SH3RF2: variants seen among roughly 807,000 people sequenced by gnomAD.
SH3RF2 encodes E3 ubiquitin-protein ligase SH3RF2.
Under a neutral mutation model 59.0 loss-of-function variants are expected in SH3RF2, and 43 were observed. That is an observed-to-expected ratio of 0.73 (90% CI 0.57 to 0.94). The LOEUF is 0.94. SH3RF2 is among the 40% of genes least tolerant of loss of function. The probability of loss-of-function intolerance (pLI) is 0.00; values close to 1 mark genes in which losing one functional copy is unlikely to be tolerated. For synonymous variants in SH3RF2, 391 were observed against 391.5 expected, an observed-to-expected ratio of 1.00 and a Z score of 0.01; for missense variants, 930 against 940.1, an observed-to-expected ratio of 0.99 and a Z score of 0.14.
In SH3RF2 at chr5:145,997,875, C is replaced by CCAA. The variant is rs1263108354; in HGVS notation, c.379-2180_379-2178dup. 8.9e-6 allele frequency: 9 copies of CCAA among 1,016,104 alleles called. No individual in the cohort carries two copies. The African/African-American group carries it at 9.5e-5, about 11-fold the overall frequency. The allele number at this position is 1,016,104 out of a possible 1,614,324, so 62.9% of individuals were successfully genotyped here. On this transcript the variant is annotated intron_variant, in intron 2 of 9. Coordinates refer to ENST00000359120, the MANE Select transcript of SH3RF2 (RefSeq NM_152550.4). ...CATCTTGAAATGCTCAGTGCCCTTG[C>CCAA]CAACAGAACTCAGCTCTGAAGCAAA...
At chr5:145,980,243 C>A (rs17104108) in intron 2 of SH3RF2, among the ~76,000 whole-genome samples, 2,045 of 152,246 alleles carry the variant, frequency 0.013, 45 homozygotes, top group East Asian at 0.063. Flanking sequence ...CCACACGTAA[C>A]GAGGCAGTTG....
intron 4 of SH3RF2, among the ~76,000 whole-genome samples, chr5:146,007,683 T>A (rs1760705662): frequency 6.6e-6 from 1 of 152,208 alleles, no homozygotes. Flanking sequence ...ATTATTCATT[T>A]GGATACAGTT....
chr5:146,039,600 C>A (rs1349661882), intron 5 of SH3RF2, among the ~76,000 whole-genome samples: 2 of 152,142 alleles, frequency 1.3e-5, no homozygotes. Context: ...CCAGGCCTTA[C>A]CACATGCTGG....
chr5:146,034,343 C>G (rs1464881297), intron 5 of SH3RF2, among the ~76,000 whole-genome samples: 2 of 152,138 alleles, frequency 1.3e-5, no homozygotes, highest in Non-Finnish European at 2.9e-5. Flanking sequence ...CTGAACCTCT[C>G]CAGGCACCAC....
chr5:145,998,335 A>G (rs909678795), intron 2 of SH3RF2, among the ~76,000 whole-genome samples: 20 of 151,620 alleles, frequency 1.3e-4, no homozygotes, highest in Non-Finnish European at 2.4e-4. Flanking sequence ...CTGAAAATGC[A>G]TATATGTATG....
intron 2 of SH3RF2, among the ~76,000 whole-genome samples, chr5:145,956,860 C>A (rs887198373): frequency 6.6e-6 from 1 of 152,142 alleles, no homozygotes; most frequent in Non-Finnish European, 1.5e-5. Flanking sequence ...CTTCAGATGG[C>A]TTCAGTATAT....
rs1757896485 is a variant in SH3RF2, at chr5:145,943,502, AGTAAGTTCTT to A, written c.378+5198_378+5207del. 2.6e-5 allele frequency among the ~76,000 whole-genome samples: 4 copies of A among 152,358 alleles called. No homozygotes were observed. The South Asian group carries it at 8.3e-4, about 32-fold the overall frequency. On this transcript the variant is annotated intron_variant, in intron 2 of 9. Transcript: ENST00000359120. ...GTATGACAATATTTTAAGAAAGGAA[AGTAAGTTCTT>A]GCACATTTCTTTTAGCCTCTGCCTG... is the stretch of plus-strand genomic sequence containing the variant.
At position 146,059,943 on chromosome 5, in the gene SH3RF2, G is replaced by C; in HGVS notation, c.1633G>C (p.Val545Leu). The C allele has an allele frequency of 6.5e-7, 1 of 1,529,014 alleles. No homozygotes were observed. Among genetic ancestry groups the C allele is most frequent in the Non-Finnish European group, 8.8e-7 (1 of 1,138,656 alleles). The allele number at this position is 1,529,014 out of a possible 1,614,324, so 94.7% of individuals were successfully genotyped here. Residue 545 changes from valine (V) to leucine (L), a missense_variant, in exon 9 of 10, where the codon GTC becomes CTC. By Grantham distance (32) the Val-to-Leu change is conservative. Transcript: ENST00000359120. ...CTCCCTCAGACGCAGCCCCACCATG[G>C]TCCTTCGGCCTCAGCAGTTCCAATT... ...VGSLRRSPTMVLRPQQFQFYQ... is the reference protein window; with the variant it reads ...VGSLRRSPTMLLRPQQFQFYQ...
At chr5:145,980,067 G>A (rs561064926) in intron 2 of SH3RF2, among the ~76,000 whole-genome samples, 3 of 152,268 alleles carry the variant, frequency 2.0e-5, no homozygotes. Flanking sequence ...CTTCTGAAAC[G>A]TGCCCTACTT....
Position 146,062,464 on chromosome 5 carries a change from T to C in SH3RF2, c.1953T>C (p.Pro651=). ...KTVRFQNYSP[P]PTKHYTSHPT... is the part of the protein sequence containing the mutation. ...TGAGATTTCAGAATTACAGCCCTCC[T>C]CCCACCAAACATTACACCTCCCATC... Residue 651 remains proline (P), a synonymous_variant, in exon 10 of 10, where the codon CCT becomes CCC. Transcript: ENST00000359120. 6.2e-7 allele frequency: 1 copy of C among 1,614,138 alleles called. No homozygotes were observed. Among genetic ancestry groups the C allele is most frequent in the Non-Finnish European group, 8.5e-7 (1 of 1,180,014 alleles).
At chr5:146,030,934 A>C (rs1056960722) in intron 5 of SH3RF2, among the ~76,000 whole-genome samples, 2 of 152,246 alleles carry the variant, frequency 1.3e-5, no homozygotes, top group Admixed American at 6.5e-5. Context: ...CAGTAGTGAC[A>C]GAGACCTTGC....
At chr5:145,969,023 C>T (rs188842113) in intron 2 of SH3RF2, among the ~76,000 whole-genome samples, 19 of 152,160 alleles carry the variant, frequency 1.2e-4, no homozygotes, top group Admixed American at 2.0e-4. Flanking sequence ...TAGGAACAAC[C>T]TGTAAGTATC....
chr5:146,020,887 C>A (rs1761294833), intron 5 of SH3RF2, among the ~76,000 whole-genome samples: 1 of 152,152 alleles, frequency 6.6e-6, no homozygotes, highest in South Asian at 2.1e-4. Context: ...ATGATAATGA[C>A]AAGTCCAAGC....
At chr5:146,030,736 G>T (rs1444088631) in intron 5 of SH3RF2, among the ~76,000 whole-genome samples, 1 of 144,754 alleles carries the variant, frequency 6.9e-6, no homozygotes, top group Admixed American at 7.0e-5. Context: ...GGCTTTTACA[G>T]ATGTGATTTT....
At chr5:145,953,250 G>A (rs1209164644) in intron 2 of SH3RF2, among the ~76,000 whole-genome samples, 1 of 152,004 alleles carries the variant, frequency 6.6e-6, no homozygotes, top group Non-Finnish European at 1.5e-5. Context: ...TTATTAGGGT[G>A]GTCAAAAAAA....
chr5:145,948,310 TA>T (rs1758068327), intron 2 of SH3RF2, among the ~76,000 whole-genome samples: 2 of 152,244 alleles, frequency 1.3e-5, no homozygotes, highest in Non-Finnish European at 2.9e-5. Context: ...TTGTACTTTT[TA>T]AAACTAGGCA....
chr5:146,052,648 G>T (rs2150017273), intron 7 of SH3RF2, among the ~76,000 whole-genome samples: 1 of 152,144 alleles, frequency 6.6e-6, no homozygotes, highest in East Asian at 1.9e-4. Context: ...TTTCCTTGAT[G>T]ATCTCTCTAA....
chr5:146,023,151 G>C (rs1207526758), intron 5 of SH3RF2, among the ~76,000 whole-genome samples: 1 of 150,518 alleles, frequency 6.6e-6, no homozygotes, highest in African/African-American at 2.4e-5. Flanking sequence ...GGATATTACT[G>C]GTTGCATTTT....
intron 5 of SH3RF2, among the ~76,000 whole-genome samples, chr5:146,026,420 G>A (rs1018925399): frequency 1.3e-5 from 2 of 152,140 alleles, no homozygotes; most frequent in Admixed American, 6.5e-5. Flanking sequence ...TGCCTGTCTG[G>A]GTCCCAGTTT....
Sources: gnomAD v4.1 joint callset for allele counts (sites outside exome capture counted in the v4.1 genomes callset) on GRCh38, gnomAD v4.1.1 for gene constraint, MANE v1.5 for transcripts, NCBI Gene and HGNC (gene_info 2026-07-23, HGNC 2026-07-21) for gene names.